Variants in HEMK2 observed in about 807,000 individuals in gnomAD.
HEMK2 encodes the protein HemK methyltransferase 2, ETF1 glutamine and histone H4 lysine.
the HEMK2 span, chr21:28,882,153 A>G: frequency 1.8e-4 from 284 of 1,564,958 alleles, 1 homozygote; most frequent in African/African-American, 3.1e-3. Context: ...GACAAAGATT[A>G]TCTTACCAAA....
chr21:28,750,014 C>A, the HEMK2 span, among the ~76,000 whole-genome samples: 1 of 152,166 alleles, frequency 6.6e-6, no homozygotes, highest in African/African-American at 2.4e-5. Flanking sequence ...ATTGAACAGG[C>A]CAATGCTTTT....
At chr21:28,802,843 A>C in the HEMK2 span, among the ~76,000 whole-genome samples, 2 of 152,238 alleles carry the variant, frequency 1.3e-5, no homozygotes, top group Non-Finnish European at 2.9e-5. Flanking sequence ...AACAATTTTA[A>C]CTTAAAAATA....
the HEMK2 span, among the ~76,000 whole-genome samples, chr21:28,767,613 T>C: frequency 2.0e-5 from 3 of 152,056 alleles, no homozygotes; most frequent in Non-Finnish European, 4.4e-5. Flanking sequence ...AAGGGAGTTA[T>C]ACAATTTATT....
At chr21:28,746,162 T>A in the HEMK2 span, among the ~76,000 whole-genome samples, 4 of 152,246 alleles carry the variant, frequency 2.6e-5, no homozygotes, top group African/African-American at 9.6e-5. Flanking sequence ...AACAAAACTA[T>A]ATGAATATAA....
At chr21:28,799,056 A>G in the HEMK2 span, among the ~76,000 whole-genome samples, 1 of 152,114 alleles carries the variant, frequency 6.6e-6, no homozygotes, top group African/African-American at 2.4e-5. Context: ...CACAACAGAG[A>G]TTTCCAAATT....
chr21:28,870,650 C>T, the HEMK2 span, among the ~76,000 whole-genome samples: 1 of 152,164 alleles, frequency 6.6e-6, no homozygotes, highest in African/African-American at 2.4e-5. Flanking sequence ...ATCTGCCTGC[C>T]TCAGCCTCCC....
At chr21:28,650,803 G>C in the HEMK2 span, among the ~76,000 whole-genome samples, 2 of 152,172 alleles carry the variant, frequency 1.3e-5, no homozygotes, top group African/African-American at 4.8e-5. Flanking sequence ...GGGGGTGAAT[G>C]ATGTTAACTC....
chr21:28,882,102 C>A, the HEMK2 span: 1 of 1,367,392 alleles, frequency 7.3e-7, no homozygotes, highest in East Asian at 2.4e-5. Context: ...TTTCTTTGAC[C>A]TAAAGCATCT....
chr21:28,607,041 G>A, the HEMK2 span, among the ~76,000 whole-genome samples: 1 of 152,148 alleles, frequency 6.6e-6, no homozygotes, highest in African/African-American at 2.4e-5. Context: ...AGAGATTATG[G>A]AGGCTTGCAA....
the HEMK2 span, among the ~76,000 whole-genome samples, chr21:28,881,839 TA>T: frequency 6.6e-6 from 1 of 152,162 alleles, no homozygotes; most frequent in African/African-American, 2.4e-5. Context: ...GTTCTCACTA[TA>T]TTGTACAAGC....
At chr21:28,785,204 C>G in the HEMK2 span, among the ~76,000 whole-genome samples, 1 of 152,202 alleles carries the variant, frequency 6.6e-6, no homozygotes, top group East Asian at 1.9e-4. Context: ...AACTGTAACA[C>G]TCACCGCAAG....
At chr21:28,673,891 G>C in the HEMK2 span, among the ~76,000 whole-genome samples, 1 of 152,054 alleles carries the variant, frequency 6.6e-6, no homozygotes, top group South Asian at 2.1e-4. Flanking sequence ...TAACCACTCA[G>C]ATAACTCAGA....
chr21:28,877,049 AG>A, the HEMK2 span, among the ~76,000 whole-genome samples: 2 of 11,942 alleles, frequency 1.7e-4, no homozygotes, highest in African/African-American at 3.5e-4. Flanking sequence ...GGAGGGAGGG[AG>A]GGAGGGAGGG....
the HEMK2 span, among the ~76,000 whole-genome samples, chr21:28,776,274 A>G: frequency 6.6e-6 from 1 of 152,228 alleles, no homozygotes; most frequent in Non-Finnish European, 1.5e-5. Flanking sequence ...TGCCTTCTAT[A>G]GGCAACCCAG....
chr21:28,619,542 A>G, the HEMK2 span, among the ~76,000 whole-genome samples: 1 of 152,256 alleles, frequency 6.6e-6, no homozygotes, highest in African/African-American at 2.4e-5. Context: ...TCACAAAGAT[A>G]CTAAAATAAA....
chr21:28,828,417 CAAG>C, the HEMK2 span, among the ~76,000 whole-genome samples: 1 of 152,154 alleles, frequency 6.6e-6, no homozygotes, highest in Admixed American at 6.5e-5. Flanking sequence ...CATGTGCCAA[CAAG>C]AAGTAGAGAA....
At chr21:28,767,110 T>C in the HEMK2 span, among the ~76,000 whole-genome samples, 69 of 152,138 alleles carry the variant, frequency 4.5e-4, no homozygotes, top group African/African-American at 1.6e-3. Flanking sequence ...TGAGATCTGA[T>C]GGTTATAAAA....
chr21:28,788,557 T>C, the HEMK2 span, among the ~76,000 whole-genome samples: 1 of 151,994 alleles, frequency 6.6e-6, no homozygotes, highest in African/African-American at 2.4e-5. Flanking sequence ...GATAAAAGAC[T>C]ACAAATATGG....
the HEMK2 span, among the ~76,000 whole-genome samples, chr21:28,819,368 T>A: frequency 6.6e-6 from 1 of 151,804 alleles, no homozygotes. Flanking sequence ...ATGCTTTATA[T>A]AGGAAGTCTT....
Sources: allele counts gnomAD v4.1 joint callset (sites outside exome capture counted in the v4.1 genomes callset), GRCh38; gene constraint gnomAD v4.1.1; transcripts MANE v1.5; gene names NCBI Gene and HGNC (gene_info 2026-07-23, HGNC 2026-07-21).